CEP63: variants seen among roughly 807,000 people sequenced by gnomAD.
CEP63 encodes the protein centrosomal protein of 63 kDa.
CEP63 carries 84 observed loss-of-function variants against 89.1 expected under a neutral mutation model. That is an observed-to-expected ratio of 0.94 (90% CI 0.79 to 1.13). CEP63 has a LOEUF of 1.13. Among genes scored for constraint, CEP63 ranks in the 50% most tolerant of loss-of-function variants. CEP63 has a pLI of 0.00. For missense variants in CEP63, 838 were observed against 813.3 expected (o/e 1.03, Z -0.37); for synonymous variants, 267 against 272.5 (o/e 0.98, Z 0.20).
intron 3 of CEP63, among the ~76,000 whole-genome samples, chr3:134,508,976 T>TC (rs909610527): frequency 1.1e-4 from 16 of 151,716 alleles, no homozygotes; most frequent in Admixed American, 7.9e-4. Context: ...TCTTGCTTTT[T>TC]TTTTTTTTAA....
chr3:134,775,057 A>G, the CEP63 span, among the ~76,000 whole-genome samples: 1 of 152,234 alleles, frequency 6.6e-6, no homozygotes, highest in Admixed American at 6.5e-5. Flanking sequence ...GTTTTGCCAC[A>G]GGATTAATTT....
the CEP63 span, chr3:134,603,488 G>C: frequency 2.6e-6 from 3 of 1,145,744 alleles, no homozygotes; most frequent in Non-Finnish European, 2.5e-6. Context: ...TGCAGACTCA[G>C]TGGTGTCCAG....
At chr3:134,720,678 C>T in the CEP63 span, among the ~76,000 whole-genome samples, 3 of 152,098 alleles carry the variant, frequency 2.0e-5, no homozygotes, top group Admixed American at 2.0e-4. Flanking sequence ...TAGGGTCCAA[C>T]TTCACTCTTT....
At chr3:134,536,403 G>C (rs1950782588) in intron 5 of CEP63, 1 of 152,566 alleles carries the variant, frequency 6.6e-6, no homozygotes, top group African/African-American at 2.4e-5. Context: ...CTGGAGTTGA[G>C]GGTCCTGGAA....
the CEP63 span, among the ~76,000 whole-genome samples, chr3:134,758,859 A>C: frequency 6.6e-6 from 1 of 152,146 alleles, no homozygotes; most frequent in African/African-American, 2.4e-5. Context: ...GAACCTGTGC[A>C]TGTGTTACCT....
At chr3:134,523,280 T>A (rs1199577723) in intron 3 of CEP63, among the ~76,000 whole-genome samples, 4 of 152,194 alleles carry the variant, frequency 2.6e-5, no homozygotes, top group Non-Finnish European at 4.4e-5. Context: ...TTTAAGTTCT[T>A]TATAGATGCT....
At chr3:134,745,247 G>A in the CEP63 span, among the ~76,000 whole-genome samples, 1 of 152,150 alleles carries the variant, frequency 6.6e-6, no homozygotes, top group Non-Finnish European at 1.5e-5. Context: ...AATGTCCCAA[G>A]TACTATTGTT....
chr3:134,528,859 A>G (rs1050158009), intron 3 of CEP63, among the ~76,000 whole-genome samples: 2 of 152,208 alleles, frequency 1.3e-5, no homozygotes, highest in Admixed American at 6.5e-5. Context: ...AAATACGAAT[A>G]GTTAAGACTC....
At chr3:134,701,462 A>G in the CEP63 span, among the ~76,000 whole-genome samples, 1 of 128,050 alleles carries the variant, frequency 7.8e-6, no homozygotes, top group Non-Finnish European at 1.7e-5. Context: ...GTGTATATAT[A>G]CATACACACA....
downstream of CEP63, among the ~76,000 whole-genome samples, chr3:134,588,308 A>AATAC (rs1194779643): frequency 2.6e-5 from 4 of 152,170 alleles, no homozygotes; most frequent in African/African-American, 9.7e-5. Flanking sequence ...TAAATAAATA[A>AATAC]ATGAAAATAA....
intron 3 of CEP63, among the ~76,000 whole-genome samples, chr3:134,521,451 C>T (rs952771978): frequency 5.3e-4 from 80 of 149,922 alleles, no homozygotes; most frequent in African/African-American, 1.8e-3. Context: ...ATTGTTCCCC[C>T]GTTGGGCCTG....
chr3:134,763,745 C>T, the CEP63 span, among the ~76,000 whole-genome samples: 2 of 152,176 alleles, frequency 1.3e-5, no homozygotes, highest in Non-Finnish European at 2.9e-5. Flanking sequence ...CCTTGGTGTC[C>T]CCCACTCTGA....
rs755895815 is a variant in CEP63 at position 134,559,254 on chromosome 3, C to G, written c.1778C>G (p.Ser593Cys). The change falls in exon 14 of 15, where the codon TCT becomes TGT. Residue 593 changes from serine (S) to cysteine (C), a missense_variant. Physicochemically the swap from Ser to Cys is moderately radical, Grantham distance 112. Transcript: ENST00000675561. ...GQASDSINPM[S>C]RVLSPLSPQI... ...GCGTCGGATAGTATAAACCCCATGTCTAGGGTGCTAAGCCCCCTGAGTCCT... is the reference window on the plus strand; with the variant it reads ...GCGTCGGATAGTATAAACCCCATGTGTAGGGTGCTAAGCCCCCTGAGTCCT... The G allele has an allele frequency of 6.2e-7, 1 of 1,614,142 alleles. No homozygotes were observed.
the CEP63 span, among the ~76,000 whole-genome samples, chr3:134,605,212 G>A: frequency 2.0e-3 from 306 of 152,192 alleles, no homozygotes; most frequent in African/African-American, 7.2e-3. Flanking sequence ...TCCAGTCTTT[G>A]TAGCCCATGA....
the CEP63 span, chr3:134,607,240 T>G: frequency 2.0e-6 from 2 of 985,514 alleles, no homozygotes; most frequent in Non-Finnish European, 2.4e-6. Flanking sequence ...TTATTTTAGC[T>G]GCAGGAGCTG....
intron 10 of CEP63, among the ~76,000 whole-genome samples, chr3:134,584,955 G>GGTTTTTTTTTTTT (rs1553799186): frequency 0.013 from 285 of 21,704 alleles, 4 homozygotes; most frequent in African/African-American, 0.052. Context: ...GATTTTCTAG[G>GGTTTTTTTTTTTT]GTTTTTTTTT....
the CEP63 span, among the ~76,000 whole-genome samples, chr3:134,618,114 T>A: frequency 1 from 152,206 of 152,214 alleles, 76,099 homozygotes; most frequent in Non-Finnish European, 1. Flanking sequence ...AAAAGGGAAG[T>A]ACAGGAAGCA....
chr3:134,710,782 C>T, the CEP63 span, among the ~76,000 whole-genome samples: 19 of 147,170 alleles, frequency 1.3e-4, no homozygotes, highest in South Asian at 3.8e-3. Context: ...AGTGCAGTGG[C>T]ATGATCTCAG....
chr3:134,613,934 T>A, the CEP63 span, among the ~76,000 whole-genome samples: 95,015 of 152,062 alleles, frequency 0.62, 30,201 homozygotes, highest in East Asian at 0.87. Flanking sequence ...ACACACTGTG[T>A]ATAAAGCACT....
Sources: allele counts gnomAD v4.1 joint callset (sites outside exome capture counted in the v4.1 genomes callset), GRCh38; gene constraint gnomAD v4.1.1; transcripts MANE v1.5; gene names NCBI Gene and HGNC (gene_info 2026-07-23, HGNC 2026-07-21).